Variants in SMG1 observed in about 807,000 individuals in gnomAD.
The protein encoded by SMG1 is SMG1 nonsense mediated mRNA decay associated PI3K related kinase.
Under a neutral mutation model 419.9 loss-of-function variants are expected in SMG1, and 22 were observed. The observed-to-expected ratio is 0.05, with a 90% CI of 0.04 to 0.07. SMG1 has a LOEUF of 0.07. Among genes scored for constraint, SMG1 ranks in the 10% least tolerant of loss-of-function variants. The pLI is 1.00. For missense variants in SMG1, 3,185 were observed against 4,342.0 expected, an observed-to-expected ratio of 0.73 and a Z score of 7.49; for synonymous variants, 1,538 against 1,553.5, an observed-to-expected ratio of 0.99 and a Z score of 0.23.
At chr16:18,893,695 T>C (rs1356413086) in intron 3 of SMG1, among the ~76,000 whole-genome samples, 1 of 151,964 alleles carries the variant, frequency 6.6e-6, no homozygotes, top group African/African-American at 2.4e-5. Flanking sequence ...AGCCAATACA[T>C]ACGTAAACAA....
intron 39 of SMG1, among the ~76,000 whole-genome samples, chr16:18,844,767 G>A (rs180970012): frequency 3.6e-4 from 55 of 152,184 alleles, no homozygotes; most frequent in African/African-American, 1.3e-3. Context: ...AAGGAAATCA[G>A]TTAGGAGCAA....
At chr16:18,850,661 GAAGAATATAAGCATTTAGCA>G (rs1217628279) in intron 33 of SMG1, among the ~76,000 whole-genome samples, 194 bp from the exon 34 acceptor site, 1 of 152,198 alleles carries the variant, frequency 6.6e-6, no homozygotes, top group Non-Finnish European at 1.5e-5. Flanking sequence ...AGCCAGTGAA[GAAGAATATAAGCATTTAGCA>G]AAGACTAGAC....
At chr16:18,892,541 T>C (rs2141822380) in intron 3 of SMG1, among the ~76,000 whole-genome samples, 187 bp from the exon 4 acceptor site, 1 of 152,148 alleles carries the variant, frequency 6.6e-6, no homozygotes, top group East Asian at 1.9e-4. Flanking sequence ...CTGGGCAACA[T>C]GGTGAAACCC....
At chr16:18,828,375 T>C (rs1484076954) in intron 54 of SMG1, among the ~76,000 whole-genome samples, 1 of 152,184 alleles carries the variant, frequency 6.6e-6, no homozygotes, top group Non-Finnish European at 1.5e-5. Flanking sequence ...ACATGGCTAA[T>C]AAATTTCTTG....
At chr16:18,839,462 T>C (rs1351347059) in intron 42 of SMG1, among the ~76,000 whole-genome samples, 1 of 152,182 alleles carries the variant, frequency 6.6e-6, no homozygotes, top group East Asian at 1.9e-4. Flanking sequence ...TCTGTTCCTG[T>C]GTTAATTTGC....
rs746582403 is a variant in SMG1 at position 18,829,574 on chromosome 16, T to C, written c.9315A>G (p.Thr3105=). The C allele has an allele frequency of 6.2e-7, 1 of 1,614,050 alleles. No individual in the cohort carries two copies. Among genetic ancestry groups the C allele is most frequent in the South Asian group, 1.1e-5 (1 of 91,090 alleles). ...CCAGAGCACTGATAAAACTGCACAG[T>C]GTGAGTCCGAGGGCTTGGTTGGGTA... ...IGLPNQALGL[T]LCSFISALGV... Residue 3105 remains threonine (T), a synonymous_variant, in exon 54 of 63, where the codon ACA becomes ACG. Transcript: ENST00000446231.
intron 11 of SMG1, 184 bp downstream of exon 11, chr16:18,879,311 C>T (rs1596581738): frequency 1.7e-6 from 1 of 585,280 alleles, no homozygotes; most frequent in Non-Finnish European, 3.0e-6. Flanking sequence ...GATGGGGTCT[C>T]ACTACATTGC....
intron 47 of SMG1, 26 bp downstream of exon 47, chr16:18,836,334 T>C: frequency 6.2e-7 from 1 of 1,607,008 alleles, no homozygotes; most frequent in Non-Finnish European, 8.5e-7. Context: ...GTTTCACATG[T>C]GAATCTAAAA....
At chr16:18,880,721 A>ATG (rs760136125) in intron 10 of SMG1, among the ~76,000 whole-genome samples, 1 of 63,922 alleles carries the variant, frequency 1.6e-5, no homozygotes, top group African/African-American at 6.3e-5. Flanking sequence ...CAAAAAAAAA[A>ATG]GGGGGGGGGC....
chr16:18,849,420 A>G, intron 35 of SMG1, 42 bp from the exon 36 acceptor site: 1 of 1,555,468 alleles, frequency 6.4e-7, no homozygotes, highest in African/African-American at 1.4e-5. Flanking sequence ...AAGTTATTTA[A>G]AACTATGAAG....
Position 18,869,836 on chromosome 16 carries a change from G to A in SMG1, c.2633+18C>T. 6.3e-7 allele frequency: 1 copy of A among 1,579,026 alleles called. No homozygotes were observed. The highest frequency in any genetic ancestry group is 8.6e-7 in the Non-Finnish European group (1 of 1,163,674). The stretch of plus-strand genomic sequence containing the variant: ...AAAATTATGTTTCCCAGATAAAAGA[G>A]TCAAAGAAATGCCTTACCCTGTTCT... On this transcript the variant is annotated intron_variant, in intron 19 of 62. Coordinates refer to ENST00000446231, the MANE Select transcript of SMG1 (RefSeq NM_015092.5).
intron 62 of SMG1, among the ~76,000 whole-genome samples, chr16:18,810,542 A>G (rs2031288147): frequency 6.6e-6 from 1 of 152,188 alleles, no homozygotes; most frequent in Non-Finnish European, 1.5e-5. Flanking sequence ...GGGGTATTAA[A>G]TGCATTTTAG....
At chr16:18,820,108 G>A (rs2032385574) in intron 55 of SMG1, among the ~76,000 whole-genome samples, 1 of 152,146 alleles carries the variant, frequency 6.6e-6, no homozygotes, top group South Asian at 2.1e-4. Context: ...TGGGACTACA[G>A]GCACCTGCCA....
chr16:18,872,019 A>T (rs2035850766), intron 15 of SMG1, among the ~76,000 whole-genome samples, 165 bp downstream of exon 15: 1 of 152,204 alleles, frequency 6.6e-6, no homozygotes, highest in African/African-American at 2.4e-5. Flanking sequence ...CCTAGATTAA[A>T]TAATAAAACC....
chr16:18,834,134 G>T, intron 50 of SMG1, 70 bp downstream of exon 50: 2 of 1,169,296 alleles, frequency 1.7e-6, no homozygotes, highest in South Asian at 2.9e-5. Context: ...TTGCTTTCCT[G>T]GGTTAAAGAG....
Position 18,852,055 on chromosome 16 carries a change from T to C in SMG1, c.5052+12A>G, listed in dbSNP as rs772368263. ...AGTAGCAATCTTGCCCCAAGCACCA[T>C]GTTTTCCTTGCCTGAATCCCCGCCG... On this transcript the variant is annotated intron_variant, in intron 33 of 62. Transcript: ENST00000446231. 6 of 1,599,792 alleles carry C rather than the reference T, an allele frequency of 3.8e-6. No homozygotes were observed. Among genetic ancestry groups the C allele is most frequent in the South Asian group, 1.1e-5 (1 of 88,058 alleles).
At chr16:18,868,009 A>G (rs2035617806) in intron 22 of SMG1, among the ~76,000 whole-genome samples, 181 bp downstream of exon 22, 1 of 152,138 alleles carries the variant, frequency 6.6e-6, no homozygotes, top group Non-Finnish European at 1.5e-5. Flanking sequence ...CGCCCGGCCT[A>G]TTTTAACTTC....
chr16:18,872,736 G>T, intron 13 of SMG1, 112 bp from the exon 14 acceptor site: 1 of 977,350 alleles, frequency 1.0e-6, no homozygotes, highest in Non-Finnish European at 1.5e-6. Flanking sequence ...TAAAATTACA[G>T]ACTGCAAGGG....
intron 27 of SMG1, 59 bp from the exon 28 acceptor site, chr16:18,859,240 A>G: frequency 1.5e-6 from 2 of 1,346,268 alleles, no homozygotes; most frequent in Non-Finnish European, 2.0e-6. Flanking sequence ...CACTCAAAGA[A>G]TAAAGCAATT....
Sources: gnomAD v4.1 joint callset for allele counts (sites outside exome capture counted in the v4.1 genomes callset) on GRCh38, gnomAD v4.1.1 for gene constraint, MANE v1.5 for transcripts, NCBI Gene and HGNC (gene_info 2026-07-23, HGNC 2026-07-21) for gene names.